DMXL1: variants seen among roughly 807,000 people sequenced by gnomAD.
The protein encoded by DMXL1 is dmX-like protein 1.
DMXL1 carries 99 observed loss-of-function variants against 319.2 expected under a neutral mutation model. The ratio of observed to expected loss-of-function variants is 0.31; its 90% confidence interval spans 0.26 to 0.37. The LOEUF (loss-of-function observed/expected upper bound fraction) is 0.37. Ranked by LOEUF, DMXL1 falls within the 10% of genes least tolerant of loss-of-function variation. The probability of loss-of-function intolerance (pLI) is 1.00; values close to 1 mark genes in which losing one functional copy is unlikely to be tolerated. For missense variants in DMXL1, 3,745 were observed against 3,595.6 expected (o/e 1.04, Z -1.06); for synonymous variants, 1,385 against 1,235.2 (o/e 1.12, Z -2.54).
intron 23 of DMXL1, among the ~76,000 whole-genome samples, chr5:119,168,709 AGT>A (rs1773932122): frequency 6.6e-6 from 1 of 150,778 alleles, no homozygotes; most frequent in African/African-American, 2.4e-5. Context: ...TTCTTTTTTT[AGT>A]GTTTTTATTT....
intron 13 of DMXL1, among the ~76,000 whole-genome samples, chr5:119,140,691 G>C (rs1250457459): frequency 6.6e-6 from 1 of 152,094 alleles, no homozygotes; most frequent in Non-Finnish European, 1.5e-5. Context: ...AGAAGAGCTG[G>C]TACCATTCCT....
chr5:119,230,496 A>C (rs1786473732), intron 38 of DMXL1, among the ~76,000 whole-genome samples: 1 of 152,248 alleles, frequency 6.6e-6, no homozygotes, highest in Non-Finnish European at 1.5e-5. Flanking sequence ...ATAAAGTCAT[A>C]CACAAACATA....
intron 1 of DMXL1, among the ~76,000 whole-genome samples, chr5:119,085,624 T>A (rs889668885): frequency 6.6e-6 from 1 of 152,160 alleles, no homozygotes; most frequent in African/African-American, 2.4e-5. Flanking sequence ...TACAATCATA[T>A]CATTTGTGAA....
intron 33 of DMXL1, among the ~76,000 whole-genome samples, chr5:119,204,370 C>A (rs1162913135): frequency 3.3e-5 from 5 of 152,102 alleles, no homozygotes. Context: ...AATTCCTGAG[C>A]CCAGGCGATC....
intron 1 of DMXL1, among the ~76,000 whole-genome samples, chr5:119,078,732 A>G (rs1223390968): frequency 6.6e-6 from 1 of 152,156 alleles, no homozygotes; most frequent in African/African-American, 2.4e-5. Flanking sequence ...GATTACAGAC[A>G]TGACCCACTG....
chr5:119,174,435 C>G (rs1431871585), intron 25 of DMXL1, among the ~76,000 whole-genome samples: 2 of 152,170 alleles, frequency 1.3e-5, no homozygotes, highest in African/African-American at 4.8e-5. Flanking sequence ...ATACTGTGAT[C>G]ATTTTTGCAA....
At chr5:119,209,054 T>A (rs994246400) in intron 34 of DMXL1, among the ~76,000 whole-genome samples, 1 of 152,246 alleles carries the variant, frequency 6.6e-6, no homozygotes, top group Non-Finnish European at 1.5e-5. Flanking sequence ...TCATTCTTGT[T>A]ATTTTGATGC....
intron 42 of DMXL1, among the ~76,000 whole-genome samples, chr5:119,242,969 C>T (rs1284085499): frequency 1.3e-5 from 2 of 152,130 alleles, no homozygotes; most frequent in Non-Finnish European, 2.9e-5. Flanking sequence ...CATAAACCTG[C>T]ATGTAATATG....
In DMXL1 at chr5:119,071,303, A is replaced by C. The variant is rs966701367; in HGVS notation, c.-267A>C. ...GGCCGGTGAGGGGACCCTGAGCTTC[A>C]CCTGGGCTAGCGCGGGGAGTGACAG... On this transcript the variant is annotated 5_prime_UTR_variant, in exon 1 of 44. Transcript: ENST00000539542. 6.6e-5 allele frequency: 31 copies of C among 470,554 alleles called. No individual in the cohort carries two copies. The highest frequency in any genetic ancestry group is 5.5e-4 in the African/African-American group (26 of 47,066). The allele number at this position is 470,554 out of a possible 1,614,324, so 29.1% of individuals were successfully genotyped here. A position where few individuals can be genotyped will look rare whatever the true frequency, so the allele number is the denominator to read the frequency against.
At chr5:119,164,218 A>T (rs181432580) in intron 19 of DMXL1, among the ~76,000 whole-genome samples, 18 of 152,156 alleles carry the variant, frequency 1.2e-4, no homozygotes, top group African/African-American at 4.1e-4. Flanking sequence ...TTTAAGTGTT[A>T]CTCATTTTTT....
Position 119,143,845 on chromosome 5 carries a change from A to T in DMXL1, c.2381A>T (p.Tyr794Phe). ...AAATTTTTTTAAAAAAAACAGAAAT[A>T]TGTTGGTGAAGTCTTTAACATCGTC... ...SELSNPEISKYVGEVFNIVSQ... is the reference protein window; with the variant it reads ...SELSNPEISKFVGEVFNIVSQ... Residue 794 changes from tyrosine to phenylalanine, a missense_variant, in exon 14 of 44, where the codon TAT becomes TTT. By Grantham distance (22) the Tyr-to-Phe change is conservative (BLOSUM62 3). Transcript: ENST00000539542. 4 of 1,568,598 alleles carry T rather than the reference A, an allele frequency of 2.6e-6. No individual in the cohort carries two copies. Among genetic ancestry groups the T allele is most frequent in the Non-Finnish European group, 3.5e-6 (4 of 1,159,192 alleles).
At chr5:119,130,005 T>C (rs1221117815) in intron 10 of DMXL1, among the ~76,000 whole-genome samples, 1 of 152,172 alleles carries the variant, frequency 6.6e-6, no homozygotes, top group Non-Finnish European at 1.5e-5. Context: ...CTCTGTAGCC[T>C]TTATATGCTG....
At chr5:119,193,221 G>T (rs1779003909) in intron 29 of DMXL1, among the ~76,000 whole-genome samples, 1 of 152,214 alleles carries the variant, frequency 6.6e-6, no homozygotes, top group Non-Finnish European at 1.5e-5. Flanking sequence ...TGGCCTACAA[G>T]ACCCTGTCTG....
intron 1 of DMXL1, chr5:119,081,617 G>A (rs1752206453): frequency 1.0e-6 from 1 of 984,630 alleles, no homozygotes; most frequent in South Asian, 4.7e-5. Flanking sequence ...AAGTGTAGAT[G>A]AGAAGTTAAT....
At chr5:119,192,450 C>G (rs1581240103) in intron 29 of DMXL1, among the ~76,000 whole-genome samples, 1 of 152,280 alleles carries the variant, frequency 6.6e-6, no homozygotes, top group South Asian at 2.1e-4. Context: ...TATCCCATTT[C>G]TCTGTTCCCA....
intron 15 of DMXL1, among the ~76,000 whole-genome samples, chr5:119,145,060 A>G (rs990897002): frequency 6.6e-6 from 1 of 151,750 alleles, no homozygotes; most frequent in Non-Finnish European, 1.5e-5. Context: ...AAGTTTTTAA[A>G]ATGTTAAACT....
intron 28 of DMXL1, chr5:119,178,627 A>G: frequency 3.0e-6 from 3 of 985,342 alleles, no homozygotes; most frequent in Non-Finnish European, 3.6e-6. Context: ...TCTCCATGGA[A>G]TGTGTGGGCT....
At chr5:119,144,715 A>G in intron 15 of DMXL1, 77 bp downstream of exon 15, 1 of 863,582 alleles carries the variant, frequency 1.2e-6, no homozygotes, top group Non-Finnish European at 1.7e-6. Flanking sequence ...AATTGGTAAA[A>G]TGCTTTACAT....
intron 2 of DMXL1, among the ~76,000 whole-genome samples, chr5:119,098,808 T>C (rs1212911685): frequency 6.6e-6 from 1 of 152,196 alleles, no homozygotes; most frequent in African/African-American, 2.4e-5. Flanking sequence ...TATATATAGT[T>C]GTAGCTAGAC....
Sources: gnomAD v4.1 joint callset for allele counts (sites outside exome capture counted in the v4.1 genomes callset) on GRCh38, gnomAD v4.1.1 for gene constraint, MANE v1.5 for transcripts, NCBI Gene and HGNC (gene_info 2026-07-23, HGNC 2026-07-21) for gene names.